Variants in EBF1 observed in about 807,000 individuals in gnomAD.
The protein encoded by EBF1 is transcription factor COE1.
A neutral mutation model predicts 68.4 loss-of-function variants in EBF1; 10 were observed. The observed-to-expected ratio is 0.15, with a 90% CI of 0.09 to 0.25. EBF1 has a LOEUF of 0.25. Among genes scored for constraint, EBF1 ranks in the 10% least tolerant of loss-of-function variants. EBF1 has a pLI of 1.00. For missense variants in EBF1, 509 were observed against 794.4 expected, an observed-to-expected ratio of 0.64 and a Z score of 4.32; for synonymous variants, 298 against 299.8, an observed-to-expected ratio of 0.99 and a Z score of 0.06.
At chr5:158,980,043 C>T (rs924550437) in intron 6 of EBF1, among the ~76,000 whole-genome samples, 1 of 151,950 alleles carries the variant, frequency 6.6e-6, no homozygotes, top group South Asian at 2.1e-4. Flanking sequence ...GTCAGAAGGA[C>T]TTCATTAGGC....
intron 8 of EBF1, among the ~76,000 whole-genome samples, chr5:158,817,570 A>AT (rs139483504): frequency 0.011 from 1,644 of 152,308 alleles, 14 homozygotes; most frequent in Non-Finnish European, 0.017. Flanking sequence ...ACCGTAAGAC[A>AT]TAAACTCCTT....
At chr5:158,750,547 T>TA (rs1373204901) in intron 10 of EBF1, among the ~76,000 whole-genome samples, 2 of 152,104 alleles carry the variant, frequency 1.3e-5, no homozygotes, top group Non-Finnish European at 2.9e-5. Context: ...TACTTATCAT[T>TA]AAAAAGTATG....
At chr5:158,714,411 C>G (rs1398444792) in intron 11 of EBF1, among the ~76,000 whole-genome samples, 1 of 152,178 alleles carries the variant, frequency 6.6e-6, no homozygotes, top group African/African-American at 2.4e-5. Flanking sequence ...TAAAATACAT[C>G]ACTCAATAGT....
chr5:158,697,756 C>CAAA lies in EBF1; in HGVS notation c.*1352_*1354dup. On this transcript the variant is annotated 3_prime_UTR_variant, in exon 16 of 16. Transcript: ENST00000313708. The stretch of plus-strand genomic sequence containing the variant: ...GAACAACAACTTTGGCAAAAAATCA[C>CAAA]AAAAAAAAAATCTACAGTATTTATA... 5.1e-6 allele frequency: 1 copy of CAAA among 197,368 alleles called. No individual in the cohort carries two copies. Among genetic ancestry groups the CAAA allele is most frequent in the Non-Finnish European group, 1.0e-5 (1 of 96,826 alleles). The allele number at this position is 197,368 out of a possible 1,614,324, so 12.2% of individuals were successfully genotyped here.
chr5:158,698,676 T>C lies in EBF1; in HGVS notation c.*435A>G, dbSNP rs1756142135. ...TTTCCTTTTTTTCTTTTTTTTTTTT[T>C]TTACTTTTTTGTAAATATCACCACT... On this transcript the variant is annotated 3_prime_UTR_variant, in exon 16 of 16. Transcript: ENST00000313708. The C allele has an allele frequency of 4.7e-6, 1 of 211,232 alleles. No homozygotes were observed. The highest frequency in any genetic ancestry group is 1.9e-4 in the South Asian group (1 of 5,340). 13.1% of individuals were successfully genotyped at this position (211,232 alleles called of 1,614,324 possible). A position where few individuals can be genotyped will look rare whatever the true frequency, so the allele number is the denominator to read the frequency against.
chr5:158,797,154 A>G (rs986019953), intron 8 of EBF1, among the ~76,000 whole-genome samples: 4 of 152,184 alleles, frequency 2.6e-5, no homozygotes, highest in Non-Finnish European at 5.9e-5. Flanking sequence ...TCCCAGGCAT[A>G]AAACCCTAGA....
chr5:158,956,452 C>T lies in EBF1; in HGVS notation c.555-116342G>A, dbSNP rs116723094. 2.9e-3 allele frequency among the ~76,000 whole-genome samples: 434 copies of T among 151,902 alleles called. 1 individual carries two copies. The highest frequency in any genetic ancestry group is 9.8e-3 in the African/African-American group (406 of 41,352). ...ATTGCAGGATGTACCTTAGAATGCA[C>T]GCACACATAGACACACACACACACA... On this transcript the variant is annotated intron_variant, in intron 6 of 15. Coordinates refer to ENST00000313708, the MANE Select transcript of EBF1 (RefSeq NM_024007.5).
At chr5:158,969,908 GAAAGAAAGAAA>G (rs1254288060) in intron 6 of EBF1, among the ~76,000 whole-genome samples, 1,730 of 104,716 alleles carry the variant, frequency 0.017, 75 homozygotes, top group African/African-American at 0.025. Flanking sequence ...AAGAAAGAAA[GAAAGAAAGAAA>G]AAAAAAAAAA....
chr5:158,958,241 A>G (rs1219812948), intron 6 of EBF1, among the ~76,000 whole-genome samples: 1 of 152,232 alleles, frequency 6.6e-6, no homozygotes, highest in African/African-American at 2.4e-5. Context: ...ACAATAGAAC[A>G]GCATGATTGC....
intron 6 of EBF1, among the ~76,000 whole-genome samples, chr5:158,975,363 T>C (rs1756525526): frequency 6.6e-6 from 1 of 152,164 alleles, no homozygotes; most frequent in Admixed American, 6.5e-5. Flanking sequence ...CAAAAGACTT[T>C]CTGGTTCACA....
At chr5:158,811,827 C>T (rs1468071777) in intron 8 of EBF1, among the ~76,000 whole-genome samples, 3 of 152,156 alleles carry the variant, frequency 2.0e-5, no homozygotes, top group Non-Finnish European at 2.9e-5. Context: ...CAGACCTAAC[C>T]TACCTTCCCT....
At chr5:158,840,695 G>A (rs1347316345) in intron 6 of EBF1, among the ~76,000 whole-genome samples, 27 of 101,108 alleles carry the variant, frequency 2.7e-4, no homozygotes, top group African/African-American at 7.2e-4. Context: ...TTTTTGAGAC[G>A]GAGTCTCGCT....
intron 9 of EBF1, among the ~76,000 whole-genome samples, chr5:158,795,694 C>A (rs148312329): frequency 1.9e-4 from 29 of 152,274 alleles, no homozygotes; most frequent in African/African-American, 6.5e-4. Context: ...TGATGGTTGC[C>A]AGACAAGTCA....
intron 11 of EBF1, among the ~76,000 whole-genome samples, chr5:158,715,821 T>G (rs963691355): frequency 2.6e-5 from 4 of 152,200 alleles, no homozygotes; most frequent in African/African-American, 9.7e-5. Context: ...CACTAAAACC[T>G]CTTGGCTTTA....
chr5:158,900,610 C>T (rs1803105072), intron 6 of EBF1, among the ~76,000 whole-genome samples: 1 of 152,200 alleles, frequency 6.6e-6, no homozygotes, highest in Non-Finnish European at 1.5e-5. Context: ...CTAGTCACTG[C>T]CTCAGCAGGG....
intron 6 of EBF1, among the ~76,000 whole-genome samples, chr5:159,036,040 T>C (rs145751200): frequency 6.6e-6 from 1 of 152,280 alleles, no homozygotes; most frequent in East Asian, 1.9e-4. Context: ...CAGGAGAGAC[T>C]TGGTTCTTAG....
At chr5:159,046,147 C>T (rs1397918658) in intron 6 of EBF1, among the ~76,000 whole-genome samples, 1 of 152,220 alleles carries the variant, frequency 6.6e-6, no homozygotes, top group East Asian at 1.9e-4. Flanking sequence ...ATGACCCCCA[C>T]ACAGAATTAA....
chr5:158,759,320 T>C (rs999895964), intron 10 of EBF1, among the ~76,000 whole-genome samples: 1 of 152,208 alleles, frequency 6.6e-6, no homozygotes, highest in Non-Finnish European at 1.5e-5. Context: ...TCTTGTTCCA[T>C]GGACCTATTT....
intron 6 of EBF1, among the ~76,000 whole-genome samples, chr5:158,898,055 A>G (rs879858752): frequency 2.6e-5 from 4 of 152,158 alleles, no homozygotes; most frequent in African/African-American, 9.7e-5. Flanking sequence ...CTTTTGTTGG[A>G]GTTTTGTTCC....
Sources: gnomAD v4.1 joint callset for allele counts (sites outside exome capture counted in the v4.1 genomes callset) on GRCh38, gnomAD v4.1.1 for gene constraint, MANE v1.5 for transcripts, NCBI Gene and HGNC (gene_info 2026-07-23, HGNC 2026-07-21) for gene names.